Variants in KCNMB2 observed in about 807,000 individuals in gnomAD.
KCNMB2 encodes the protein calcium-activated potassium channel subunit beta-2.
In KCNMB2, 9 loss-of-function variants were observed where a neutral mutation model predicts 24.5. That is an observed-to-expected ratio of 0.37 (90% CI 0.22 to 0.64). The LOEUF (loss-of-function observed/expected upper bound fraction) is 0.64. Among genes scored for constraint, KCNMB2 ranks in the 30% least tolerant of loss-of-function variants. The probability of loss-of-function intolerance (pLI) is 0.63; values close to 1 mark genes in which losing one functional copy is unlikely to be tolerated. For missense variants in KCNMB2, 226 were observed against 284.3 expected (o/e 0.79, Z 1.47); for synonymous variants, 109 against 104.4 (o/e 1.04, Z -0.27).
intron 1 of KCNMB2, among the ~76,000 whole-genome samples, chr3:178,740,790 C>A (rs1262064080): frequency 1.3e-5 from 2 of 152,178 alleles, no homozygotes; most frequent in African/African-American, 4.8e-5. Flanking sequence ...CTGTCAGGCA[C>A]TGGGCTCTTT....
intron 1 of KCNMB2, among the ~76,000 whole-genome samples, chr3:178,804,205 G>A (rs1384737874): frequency 6.6e-6 from 1 of 152,128 alleles, no homozygotes. Flanking sequence ...CAAATGAAAA[G>A]TTTCTTGTCC....
At chr3:178,740,497 G>A (rs1009960128) in intron 1 of KCNMB2, among the ~76,000 whole-genome samples, 3 of 152,094 alleles carry the variant, frequency 2.0e-5, no homozygotes, top group South Asian at 2.1e-4. Flanking sequence ...ATAAATCAGT[G>A]CATCCACTAT....
Position 178,842,882 on chromosome 3 carries a change from A to G in KCNMB2, c.653A>G (p.Lys218Arg). ...GGTGTGGCAATTGTTGCCATGGTGA[A>G]ACTTACACAGTACCTCTCCCTACTA... ...AGGVAIVAMV[K>R]LTQYLSLLCE... Residue 218 changes from lysine (K) to arginine (R), a missense_variant, in exon 5 of 5, where the codon AAA (lysine) becomes AGA (arginine). By Grantham distance (26) the Lys-to-Arg change is conservative (BLOSUM62 2). Coordinates refer to ENST00000452583, the MANE Select transcript of KCNMB2 (RefSeq NM_181361.3). The G allele has an allele frequency of 6.2e-7, 1 of 1,614,006 alleles. No homozygotes were observed. Among genetic ancestry groups the G allele is most frequent in the South Asian group, 1.1e-5 (1 of 91,074 alleles).
At chr3:178,687,853 T>G (rs2108326050) in intron 1 of KCNMB2, among the ~76,000 whole-genome samples, 1 of 152,268 alleles carries the variant, frequency 6.6e-6, no homozygotes, top group South Asian at 2.1e-4. Context: ...TGCAAACTAC[T>G]TATTTTTAAA....
chr3:178,740,430 T>C (rs1358410275), intron 1 of KCNMB2, among the ~76,000 whole-genome samples: 1 of 152,172 alleles, frequency 6.6e-6, no homozygotes, highest in Non-Finnish European at 1.5e-5. Context: ...CCCGTAAACA[T>C]TTTTTATTAT....
At chr3:178,760,443 A>T (rs960009396) in intron 1 of KCNMB2, among the ~76,000 whole-genome samples, 6 of 142,198 alleles carry the variant, frequency 4.2e-5, no homozygotes, top group Non-Finnish European at 7.6e-5. Context: ...AGATATATAT[A>T]TTATATATAT....
intron 1 of KCNMB2, among the ~76,000 whole-genome samples, chr3:178,646,506 T>TA (rs1407194941): frequency 2.0e-5 from 3 of 152,072 alleles, no homozygotes; most frequent in African/African-American, 7.2e-5. Context: ...TATAGGAAGA[T>TA]AAAAGGGAAA....
At chr3:178,611,471 G>A (rs1251167490) in intron 1 of KCNMB2, among the ~76,000 whole-genome samples, 4 of 152,112 alleles carry the variant, frequency 2.6e-5, no homozygotes, top group East Asian at 3.9e-4. Context: ...TTAGGAGGCC[G>A]AAGCGGGCAG....
At chr3:178,594,882 T>A (rs1717809621) in intron 1 of KCNMB2, among the ~76,000 whole-genome samples, 1 of 152,060 alleles carries the variant, frequency 6.6e-6, no homozygotes, top group Admixed American at 6.6e-5. Flanking sequence ...TTAGAGAGAT[T>A]TCATTCTTCA....
intron 1 of KCNMB2, among the ~76,000 whole-genome samples, chr3:178,570,271 C>A (rs1334806237): frequency 6.6e-6 from 1 of 152,052 alleles, no homozygotes. Flanking sequence ...CAAATCATAA[C>A]CCTCTCAAGG....
chr3:178,679,058 GTTT>G (rs11337000), intron 1 of KCNMB2, among the ~76,000 whole-genome samples: 1 of 149,422 alleles, frequency 6.7e-6, no homozygotes, highest in Admixed American at 6.6e-5. Context: ...TTTTGTTTTT[GTTT>G]TTTTTATTAT....
At chr3:178,737,732 A>T (rs1723363439) in intron 1 of KCNMB2, among the ~76,000 whole-genome samples, 1 of 152,234 alleles carries the variant, frequency 6.6e-6, no homozygotes, top group African/African-American at 2.4e-5. Flanking sequence ...TGGCTTTGGT[A>T]TAGTGGCTTA....
At chr3:178,630,701 T>C (rs561413386) in intron 1 of KCNMB2, among the ~76,000 whole-genome samples, 1 of 152,354 alleles carries the variant, frequency 6.6e-6, no homozygotes, top group African/African-American at 2.4e-5. Context: ...CCTTCTCCTT[T>C]TCTTGTCTTC....
At chr3:178,824,807 C>G (rs1032549143) in intron 2 of KCNMB2, 3 of 152,190 alleles carry the variant, frequency 2.0e-5, no homozygotes, top group African/African-American at 7.2e-5. Flanking sequence ...TTATTGATCA[C>G]ACAGCTAACA....
At position 178,758,688 on chromosome 3, in the gene KCNMB2, A is replaced by C. The variant is rs1207054122; in HGVS notation, c.-67-48655A>C. ...TCTCCAAGAGGATATATATATATAT[A>C]TCTCTCTCTCTACAAGAGGAGATAT... On this transcript the variant is annotated intron_variant, in intron 1 of 4. Transcript: ENST00000452583. 3.5e-3 allele frequency among the ~76,000 whole-genome samples: 76 copies of C among 21,842 alleles called. 12 individuals are homozygous for C. The highest frequency in any genetic ancestry group is 7.0e-3 in the South Asian group (5 of 712). The allele number at this position is 21,842 out of a possible 152,430, so 14.3% of individuals were successfully genotyped here. A position where few individuals can be genotyped will look rare whatever the true frequency, so the allele number is the denominator to read the frequency against.
intron 1 of KCNMB2, among the ~76,000 whole-genome samples, chr3:178,736,599 CAGA>C (rs1214658373): frequency 1.3e-5 from 2 of 152,192 alleles, no homozygotes; most frequent in Non-Finnish European, 2.9e-5. Flanking sequence ...GGATGACATT[CAGA>C]ATGGGCACCA....
chr3:178,627,499 A>G (rs1418558155), intron 1 of KCNMB2, among the ~76,000 whole-genome samples: 3 of 152,244 alleles, frequency 2.0e-5, no homozygotes, highest in Non-Finnish European at 2.9e-5. Context: ...TTCTTATAAA[A>G]GCGTGTGAGA....
intron 1 of KCNMB2, among the ~76,000 whole-genome samples, chr3:178,778,460 A>ACACGCACGCACGTGCGCGCGCGCGCGCG (rs879860042): frequency 0.036 from 1,707 of 48,018 alleles, 42 homozygotes; most frequent in Middle Eastern, 0.13. Flanking sequence ...TTTAAGACAC[A>ACACGCACGCACGTGCGCGCGCGCGCGCG]CACACACACA....
intron 1 of KCNMB2, among the ~76,000 whole-genome samples, chr3:178,763,669 G>C (rs1712003351): frequency 6.6e-6 from 1 of 152,188 alleles, no homozygotes; most frequent in African/African-American, 2.4e-5. Flanking sequence ...ATGGGAGAGA[G>C]TGGGTAGATG....
Sources: gnomAD v4.1 joint callset for allele counts (sites outside exome capture counted in the v4.1 genomes callset) on GRCh38, gnomAD v4.1.1 for gene constraint, MANE v1.5 for transcripts, NCBI Gene and HGNC (gene_info 2026-07-23, HGNC 2026-07-21) for gene names.